Variants in PIK3C2G observed in about 807,000 individuals in gnomAD.
PIK3C2G encodes phosphatidylinositol 3-kinase C2 domain-containing subunit gamma.
A neutral mutation model predicts 181.1 loss-of-function variants in PIK3C2G; 168 were observed. The observed-to-expected ratio is 0.93, with a 90% CI of 0.82 to 1.05. PIK3C2G has a LOEUF of 1.05. PIK3C2G is among the 50% of genes least tolerant of loss of function. The probability of loss-of-function intolerance (pLI) is 0.00; values close to 1 mark genes in which losing one functional copy is unlikely to be tolerated. For synonymous variants in PIK3C2G, 573 were observed against 592.2 expected (o/e 0.97, Z 0.47); for missense variants, 1,869 against 1,732.8 (o/e 1.08, Z -1.40).
intron 8 of PIK3C2G, among the ~76,000 whole-genome samples, chr12:18,337,259 A>G (rs1325349758): frequency 6.6e-6 from 1 of 152,156 alleles, no homozygotes; most frequent in Non-Finnish European, 1.5e-5. Context: ...TAAGGTCAAA[A>G]CAGAGAAGAT....
upstream of PIK3C2G, among the ~76,000 whole-genome samples, chr12:18,247,157 G>T (rs1478347219): frequency 2.0e-5 from 3 of 152,114 alleles, no homozygotes; most frequent in Non-Finnish European, 4.4e-5. Context: ...AATTTTTGGA[G>T]AAATAGGCAG....
intron 19 of PIK3C2G, among the ~76,000 whole-genome samples, chr12:18,488,894 G>A (rs182440558): frequency 1.6e-4 from 25 of 152,056 alleles, no homozygotes; most frequent in African/African-American, 5.8e-4. Context: ...TAGGCAGTTG[G>A]ACTAAACAAG....
At chr12:18,669,743 C>T in the PIK3C2G span, among the ~76,000 whole-genome samples, 7 of 152,048 alleles carry the variant, frequency 4.6e-5, no homozygotes, top group Non-Finnish European at 7.4e-5. Flanking sequence ...CTGCAACCTC[C>T]GCCTCCTGGG....
chr12:18,440,601 C>T (rs1038648748), intron 18 of PIK3C2G, among the ~76,000 whole-genome samples: 23 of 152,068 alleles, frequency 1.5e-4, no homozygotes, highest in Non-Finnish European at 3.1e-4. Context: ...GAAGTAATAG[C>T]GTGTGCAAAG....
the PIK3C2G span, among the ~76,000 whole-genome samples, chr12:18,670,155 T>A: frequency 7.9e-5 from 12 of 152,204 alleles, no homozygotes; most frequent in African/African-American, 2.9e-4. Flanking sequence ...AGATATCAGA[T>A]CATTAGATAG....
chr12:18,639,554 C>A (rs1280803048), intron 31 of PIK3C2G, among the ~76,000 whole-genome samples: 1 of 152,148 alleles, frequency 6.6e-6, no homozygotes, highest in East Asian at 1.9e-4. Context: ...ATTTACTCTA[C>A]AGTTGGTCAA....
At position 18,550,620 on chromosome 12, in the gene PIK3C2G, T is replaced by C. The variant is rs531073241; in HGVS notation, c.3590+4188T>C. ...AGATAGATAATTGATAAAAGTATAT[T>C]ATATACATATAATATGAGCCCCTCT... is the stretch of plus-strand genomic sequence containing the variant. On this transcript the variant is annotated intron_variant, in intron 26 of 32. Coordinates refer to ENST00000538779, the MANE Select transcript of PIK3C2G (RefSeq NM_001288772.2). Among the ~76,000 whole-genome samples, 14 of 152,208 alleles carry C rather than the reference T, an allele frequency of 9.2e-5. No individual in the cohort carries two copies. The South Asian group carries it at 2.7e-3, about 29-fold the overall frequency.
intron 8 of PIK3C2G, among the ~76,000 whole-genome samples, chr12:18,332,141 C>T (rs1177485012): frequency 1.3e-5 from 2 of 152,030 alleles, no homozygotes; most frequent in Non-Finnish European, 2.9e-5. Flanking sequence ...GTAATGCTGG[C>T]CTCATAAAAT....
chr12:18,269,307 T>C (rs1219852355), intron 1 of PIK3C2G, among the ~76,000 whole-genome samples: 2 of 152,212 alleles, frequency 1.3e-5, no homozygotes, highest in African/African-American at 2.4e-5. Context: ...TTTTATATTT[T>C]GCATAATTAA....
the PIK3C2G span, chr12:18,701,606 A>ATCCTCC: frequency 2.5e-3 from 3,736 of 1,522,800 alleles, 4 homozygotes; most frequent in East Asian, 0.028. Context: ...CTTTGAATTT[A>ATCCTCC]TCCTCCTCCT....
chr12:18,362,274 G>A (rs1442484436), intron 11 of PIK3C2G, among the ~76,000 whole-genome samples: 2 of 152,128 alleles, frequency 1.3e-5, no homozygotes, highest in Non-Finnish European at 2.9e-5. Flanking sequence ...TTATATCCAG[G>A]AAAGACAAAA....
intron 25 of PIK3C2G, among the ~76,000 whole-genome samples, chr12:18,539,182 A>C (rs575840003): frequency 4.7e-4 from 71 of 152,002 alleles, no homozygotes; most frequent in Middle Eastern, 6.8e-3. Flanking sequence ...CTAGTTTGGC[A>C]TTTTACTGGC....
At chr12:18,382,843 A>G (rs188591992) in intron 14 of PIK3C2G, among the ~76,000 whole-genome samples, 19 of 152,266 alleles carry the variant, frequency 1.2e-4, no homozygotes, top group African/African-American at 4.3e-4. Flanking sequence ...GCTTGTGGTG[A>G]GGGGTTTGGG....
chr12:18,623,285 A>G (rs1006491378), intron 31 of PIK3C2G, among the ~76,000 whole-genome samples: 2 of 151,936 alleles, frequency 1.3e-5, no homozygotes, highest in South Asian at 2.1e-4. Context: ...TTCCAACACC[A>G]TTAATTATAG....
chr12:18,694,155 G>T, the PIK3C2G span: 8 of 750,578 alleles, frequency 1.1e-5, no homozygotes, highest in Non-Finnish European at 1.8e-5. Flanking sequence ...CCCTGAAAGG[G>T]ATGAGGCTGG....
chr12:18,313,973 TG>T lies in PIK3C2G; in HGVS notation c.1050del (p.Ser351AlafsTer39). ...TTTTCCTCCTTCAGCGACCACTGTTTGGGGAGCCACAAAATGTTTCAAAAAG... is the reference window on the plus strand; with the variant it reads ...TTTTCCTCCTTCAGCGACCACTGTTTGGGAGCCACAAAATGTTTCAAAAAG... ...SEEFLQNDHC[L>X]GSHKMFQKDK... On this transcript the variant is annotated frameshift_variant, in exon 6 of 33. Coordinates refer to ENST00000538779, the MANE Select transcript of PIK3C2G (RefSeq NM_001288772.2). LOFTEE classifies it high-confidence loss of function. The T allele has an allele frequency of 6.3e-7, 1 of 1,578,638 alleles. No homozygotes were observed. Among genetic ancestry groups the T allele is most frequent in the Non-Finnish European group, 8.6e-7 (1 of 1,157,576 alleles).
At chr12:18,722,342 A>G in the PIK3C2G span, among the ~76,000 whole-genome samples, 4 of 152,230 alleles carry the variant, frequency 2.6e-5, no homozygotes, top group South Asian at 6.2e-4. Flanking sequence ...ATTCTTCACT[A>G]TATCTTCAGC....
intron 24 of PIK3C2G, among the ~76,000 whole-genome samples, chr12:18,515,319 A>T (rs60685745): frequency 0.23 from 34,269 of 151,812 alleles, 4,666 homozygotes; most frequent in East Asian, 0.6. Flanking sequence ...GTTCTTTTTC[A>T]AATAGAATTC....
At chr12:18,314,379 T>C (rs1362690309) in intron 6 of PIK3C2G, 2 of 203,282 alleles carry the variant, frequency 9.8e-6, no homozygotes, top group Non-Finnish European at 2.0e-5. Flanking sequence ...GGTATTTAGG[T>C]TTAGATGAGG....
Sources: allele counts gnomAD v4.1 joint callset (sites outside exome capture counted in the v4.1 genomes callset), GRCh38; gene constraint gnomAD v4.1.1; transcripts MANE v1.5; gene names NCBI Gene and HGNC (gene_info 2026-07-23, HGNC 2026-07-21).